Variants in PAX3 observed in about 807,000 individuals in gnomAD.
The protein encoded by PAX3 is paired box protein Pax-3.
In PAX3, 14 loss-of-function variants were observed where a neutral mutation model predicts 51.6. The observed-to-expected ratio is 0.27, with a 90% confidence interval of 0.18 to 0.42. PAX3 has a LOEUF of 0.42. Among genes scored for constraint, PAX3 ranks in the 10% least tolerant of loss-of-function variants. The probability of loss-of-function intolerance (pLI) is 1.00; values close to 1 mark genes in which losing one functional copy is unlikely to be tolerated. For synonymous variants in PAX3, 280 were observed against 253.4 expected (o/e 1.11, Z -1.00); for missense variants, 540 against 642.8 (o/e 0.84, Z 1.73).
At chr2:222,218,851 A>G (rs1458435966) in intron 7 of PAX3, among the ~76,000 whole-genome samples, 1 of 152,198 alleles carries the variant, frequency 6.6e-6, no homozygotes, top group Non-Finnish European at 1.5e-5. Context: ...TATGAAACTT[A>G]ATTACATTTA....
At chr2:222,296,916 G>A (rs577328126) in intron 2 of PAX3, 62 bp downstream of exon 2, 10 of 1,380,334 alleles carry the variant, frequency 7.2e-6, no homozygotes, top group Non-Finnish European at 1.0e-5. Flanking sequence ...CCCCCCGCCC[G>A]GTCTTCCCCA....
intron 1 of PAX3, 106 bp from the exon 2 acceptor site, chr2:222,297,319 TAC>T: frequency 1.2e-6 from 1 of 841,156 alleles, no homozygotes; most frequent in East Asian, 2.7e-5. Context: ...ATCCTCATGT[TAC>T]AGCACCGACG....
intron 4 of PAX3, among the ~76,000 whole-genome samples, chr2:222,275,946 T>C (rs1008332915): frequency 6.6e-5 from 10 of 152,230 alleles, no homozygotes; most frequent in African/African-American, 1.9e-4. Flanking sequence ...GGACAACCGC[T>C]AAGTGTGAGC....
At chr2:222,261,126 A>C (rs767767868) in intron 4 of PAX3, among the ~76,000 whole-genome samples, 4 of 152,220 alleles carry the variant, frequency 2.6e-5, no homozygotes, top group Non-Finnish European at 4.4e-5. Context: ...CCTGAAATGC[A>C]GACTTTATCT....
chr2:222,259,748 CATAG>C (rs1693773207), intron 4 of PAX3, among the ~76,000 whole-genome samples: 1 of 152,184 alleles, frequency 6.6e-6, no homozygotes, highest in African/African-American at 2.4e-5. Flanking sequence ...TTCTAACAGA[CATAG>C]ATAAGAATTT....
chr2:222,262,166 T>C (rs1275215353), intron 4 of PAX3, among the ~76,000 whole-genome samples: 1 of 152,264 alleles, frequency 6.6e-6, no homozygotes, highest in African/African-American at 2.4e-5. Flanking sequence ...TTGTTGCATA[T>C]GTGAGTAGTT....
At chr2:222,229,787 C>G (rs1012864592) in intron 5 of PAX3, among the ~76,000 whole-genome samples, 1 of 152,180 alleles carries the variant, frequency 6.6e-6, no homozygotes, top group African/African-American at 2.4e-5. Context: ...CCCACCACTT[C>G]TACCTCTCTG....
chr2:222,220,982 G>A (rs1692170086), intron 6 of PAX3, among the ~76,000 whole-genome samples: 1 of 152,196 alleles, frequency 6.6e-6, no homozygotes, highest in African/African-American at 2.4e-5. Context: ...ATTTGGGAAG[G>A]TTAATTTGTT....
intron 4 of PAX3, among the ~76,000 whole-genome samples, chr2:222,240,640 G>A (rs193000348): frequency 6.6e-6 from 1 of 152,282 alleles, no homozygotes; most frequent in East Asian, 1.9e-4. Context: ...TTTGCTTAAA[G>A]GAGCCACAAA....
intron 4 of PAX3, among the ~76,000 whole-genome samples, chr2:222,233,444 G>GCA (rs1692684586): frequency 6.6e-6 from 1 of 152,196 alleles, no homozygotes; most frequent in African/African-American, 2.4e-5. Flanking sequence ...CAAAACCTGG[G>GCA]CACAAGTGGT....
chr2:222,295,731 G>A (rs1406665626), intron 2 of PAX3, 74 bp from the exon 3 acceptor site: 2 of 1,552,412 alleles, frequency 1.3e-6, no homozygotes, highest in African/African-American at 1.4e-5. Flanking sequence ...ACCGCCTCTG[G>A]GCCTGTCGGG....
intron 2 of PAX3, among the ~76,000 whole-genome samples, chr2:222,296,725 G>T (rs1010792183): frequency 6.6e-6 from 1 of 152,210 alleles, no homozygotes; most frequent in Non-Finnish European, 1.5e-5. Flanking sequence ...AGGATTGCAA[G>T]GCTTATGGGC....
Position 222,294,146 on chromosome 2 carries a change from G to C in PAX3, c.586+21C>G, listed in dbSNP as rs756281087. On this transcript the variant is annotated intron_variant, in intron 4 of 8. Coordinates refer to ENST00000392070, the MANE Select transcript of PAX3 (RefSeq NM_181458.4). ...CTCCAAGTCACCCAGCAAGTGCGCC[G>C]CCCAAGGCGCCACCGCTTACCTCGC... 1.9e-6 allele frequency: 3 copies of C among 1,614,036 alleles called. No individual in the cohort carries two copies. The South Asian group carries it at 3.3e-5, about 18-fold the overall frequency.
intron 4 of PAX3, among the ~76,000 whole-genome samples, chr2:222,269,568 A>T (rs1323471172): frequency 6.6e-6 from 1 of 152,020 alleles, no homozygotes; most frequent in Non-Finnish European, 1.5e-5. Context: ...GAGTAAACAA[A>T]TTTTTTTAAA....
chr2:222,278,284 CCTCCCCCA>C (rs1559304410), intron 4 of PAX3, among the ~76,000 whole-genome samples: 1 of 152,018 alleles, frequency 6.6e-6, no homozygotes, highest in Non-Finnish European at 1.5e-5. Flanking sequence ...TGGCCAGAAG[CCTCCCCCA>C]CCCCCAGCCA....
At chr2:222,202,263 T>C (rs1463891928) in intron 7 of PAX3, 73 bp from the exon 8 acceptor site, 2 of 1,133,686 alleles carry the variant, frequency 1.8e-6, no homozygotes, top group Non-Finnish European at 2.6e-6. Flanking sequence ...GCTGAAAGAA[T>C]AACTTGACAG....
intron 4 of PAX3, among the ~76,000 whole-genome samples, chr2:222,270,114 G>A (rs1694198687): frequency 1.3e-5 from 2 of 152,168 alleles, no homozygotes; most frequent in South Asian, 4.1e-4. Flanking sequence ...GTCAACACAA[G>A]GTAAAATACA....
At chr2:222,295,333 G>C (rs575576140) in intron 3 of PAX3, among the ~76,000 whole-genome samples, 195 bp downstream of exon 3, 16 of 152,156 alleles carry the variant, frequency 1.1e-4, no homozygotes, top group Admixed American at 8.5e-4. Flanking sequence ...GCCACCCTCC[G>C]TCCCCAGGAC....
chr2:222,211,543 A>T (rs569474376), intron 7 of PAX3, among the ~76,000 whole-genome samples: 4 of 152,220 alleles, frequency 2.6e-5, no homozygotes, highest in African/African-American at 7.2e-5. Context: ...TCTTACACAA[A>T]GGGCTGACAC....
Sources: gnomAD v4.1 joint callset for allele counts (sites outside exome capture counted in the v4.1 genomes callset) on GRCh38, gnomAD v4.1.1 for gene constraint, MANE v1.5 for transcripts, NCBI Gene and HGNC (gene_info 2026-07-23, HGNC 2026-07-21) for gene names.